The following SERPINA3 variants were observed in gnomAD, a reference collection of about 807,000 sequenced individuals.
SERPINA3 encodes the protein serpin family A member 3, also known as alpha-1-antichymotrypsin.
Under a neutral mutation model 26.8 loss-of-function variants are expected in SERPINA3, and 32 were observed. That is an observed-to-expected ratio of 1.20 (90% CI 0.90 to 1.61). The LOEUF (loss-of-function observed/expected upper bound fraction) is 1.61, where lower values mean the gene tolerates loss of function less well. SERPINA3 is among the 40% of genes most tolerant of loss of function. The pLI is 0.00. For synonymous variants in SERPINA3, 252 were observed against 206.4 expected, an observed-to-expected ratio of 1.22 and a Z score of -1.89; for missense variants, 632 against 517.9, an observed-to-expected ratio of 1.22 and a Z score of -2.14.
Position 94,622,435 on chromosome 14 carries a change from A to C in SERPINA3, c.1012A>C (p.Thr338Pro), listed in dbSNP as rs1287198755. The part of the protein sequence containing the change: ...LLQLGIEEAF[T>P]SKADLSGITG... ...CCAGCTGGGCATTGAGGAAGCCTTC[A>C]CCAGCAAGGCTGACCTGTCAGGGAT... is the stretch of plus-strand genomic sequence containing the variant. The change falls in exon 4 of 5, where the codon ACC (threonine) becomes CCC (proline). Residue 338 changes from threonine to proline, a missense_variant. Coordinates refer to ENST00000393078, the MANE Select transcript of SERPINA3 (RefSeq NM_001085.5). The C allele has an allele frequency of 1.9e-6, 3 of 1,614,124 alleles. No homozygotes were observed. The highest frequency in any genetic ancestry group is 2.5e-6 in the Non-Finnish European group (3 of 1,179,994).
In SERPINA3 at chr14:94,619,249, T is replaced by C. The variant is rs1234971971; in HGVS notation, c.698T>C (p.Leu233Ser). Residue 233 changes from leucine to serine, a missense_variant, in exon 3 of 5, where the codon TTG becomes TCG. Physicochemically the swap from Leu to Ser is moderately radical, Grantham distance 145 (BLOSUM62 -2). Transcript: ENST00000393078. ...GATACTCATCAGTCAAGGTTCTACTTGAGCAAGAAAAAGTGGGTAATGGTG... is the reference window on the plus strand; with the variant it reads ...GATACTCATCAGTCAAGGTTCTACTCGAGCAAGAAAAAGTGGGTAATGGTG... ...PQDTHQSRFY[L>S]SKKKWVMVPM... 2.5e-6 allele frequency: 4 copies of C among 1,613,942 alleles called. No homozygotes were observed.
intron 1 of SERPINA3, 79 bp from the exon 2 acceptor site, chr14:94,614,355 G>A (rs532812719): frequency 3.9e-5 from 56 of 1,445,724 alleles, no homozygotes; most frequent in South Asian, 2.1e-4. Context: ...GGACCAGGAC[G>A]CAGGCTGGGT....
intron 4 of SERPINA3, 68 bp from the exon 5 acceptor site, chr14:94,623,543 A>G: frequency 6.9e-7 from 1 of 1,451,710 alleles, no homozygotes. Context: ...CCTTAGTGGC[A>G]CACAGGCAGG....
At chr14:94,619,062 C>A (rs1385386115) in intron 2 of SERPINA3, 133 bp from the exon 3 acceptor site, 9 of 1,007,942 alleles carry the variant, frequency 8.9e-6, no homozygotes, top group Non-Finnish European at 1.4e-5. Context: ...TTTACTCTTG[C>A]CAAGCTACTT....
Position 94,614,819 on chromosome 14 carries a change from C to CA in SERPINA3, c.380dup (p.Asn127LysfsTer6). The CA allele has an allele frequency of 6.2e-7, 1 of 1,614,210 alleles. No individual in the cohort carries two copies. On this transcript the variant is annotated frameshift_variant, in exon 2 of 5. Coordinates refer to ENST00000393078, the MANE Select transcript of SERPINA3 (RefSeq NM_001085.5). LOFTEE classifies it high-confidence loss of function. ...GCTTCCAGCACCTCCTGCGCACCCTCAATCAGTCCAGCGATGAGCTGCAGC... is the reference window on the plus strand; with the variant it reads ...GCTTCCAGCACCTCCTGCGCACCCTCAAATCAGTCCAGCGATGAGCTGCAGC...
At chr14:94,621,445 G>A (rs1378677817) in intron 3 of SERPINA3, among the ~76,000 whole-genome samples, 2 of 152,004 alleles carry the variant, frequency 1.3e-5, no homozygotes, top group African/African-American at 4.8e-5. Flanking sequence ...AATAGAAATA[G>A]GACACCTTCC....
rs1262771985 is a variant in SERPINA3, at chr14:94,614,936, C to T, written c.495C>T (p.Ala165=). ...EDAKRLYGSE[A]FATDFQDSAA... is the part of the protein sequence containing the mutation. ...CCAAGAGGCTGTATGGCTCCGAGGC[C>T]TTTGCCACTGACTTTCAGGACTCAG... Residue 165 remains alanine (A), a synonymous_variant, in exon 2 of 5, where the codon GCC becomes GCT. Transcript: ENST00000393078. 5 of 1,613,416 alleles carry T rather than the reference C, an allele frequency of 3.1e-6. 1 individual carries two copies. Among genetic ancestry groups the T allele is most frequent in the East Asian group, 2.2e-5 (1 of 44,878 alleles).
intron 4 of SERPINA3, 58 bp downstream of exon 4, chr14:94,622,549 G>T (rs1248655454): frequency 6.3e-7 from 1 of 1,589,462 alleles, no homozygotes. Context: ...ATTGGTGAAG[G>T]CCAGATGGAC....
intron 4 of SERPINA3, 141 bp from the exon 5 acceptor site, chr14:94,623,470 G>A (rs1886280796): frequency 2.5e-6 from 2 of 785,574 alleles, no homozygotes; most frequent in Admixed American, 2.0e-5. Flanking sequence ...GGGGAGTTGG[G>A]AGGAGCAAAC....
intron 3 of SERPINA3, among the ~76,000 whole-genome samples, chr14:94,622,082 GGCAGGGCCAGGCTCGA>G (rs1886220607): frequency 6.6e-6 from 1 of 152,248 alleles, no homozygotes; most frequent in South Asian, 2.1e-4. Context: ...GCAGGGAAAG[GGCAGGGCCAGGCTCGA>G]GCAGGGCCAC....
chr14:94,612,512 G>A, intron 1 of SERPINA3, 65 bp downstream of exon 1: 1 of 1,026,298 alleles, frequency 9.7e-7, no homozygotes, highest in Non-Finnish European at 1.4e-6. Flanking sequence ...GTTTTAGGCA[G>A]CAGCCTGGAG....
Position 94,619,398 on chromosome 14 carries a change from A to G in SERPINA3, c.847A>G (p.Lys283Glu). The G allele has an allele frequency of 6.2e-7, 1 of 1,614,172 alleles. No individual in the cohort carries two copies. Among genetic ancestry groups the G allele is most frequent in the Non-Finnish European group, 8.5e-7 (1 of 1,180,024 alleles). The change falls in exon 3 of 5, where the codon AAG becomes GAG. Residue 283 changes from lysine (K) to glutamate (E), a missense_variant. Coordinates refer to ENST00000393078, the MANE Select transcript of SERPINA3 (RefSeq NM_001085.5). ...ACTCTTCATCCTCCCTGATCAAGACAAGATGGAGGAAGTGGAAGCCATGCT... is the reference window on the plus strand; with the variant it reads ...ACTCTTCATCCTCCCTGATCAAGACGAGATGGAGGAAGTGGAAGCCATGCT... ...SALFILPDQD[K>E]MEEVEAMLLP...
In SERPINA3 at chr14:94,614,418, G is replaced by A. The variant is rs1258597403; in HGVS notation, c.-8-16G>A. The stretch of plus-strand genomic sequence containing the variant: ...CCATCTGGCCCTCTGAGACTTAAAG[G>A]AGCTTTGCTTTTCAGAGTTGAGAAT... On this transcript the variant is annotated splice_polypyrimidine_tract_variant and intron_variant, in intron 1 of 4. Transcript: ENST00000393078. 1.2e-6 allele frequency: 2 copies of A among 1,610,866 alleles called. No individual in the cohort carries two copies. Among genetic ancestry groups the A allele is most frequent in the Admixed American group, 1.7e-5 (1 of 60,018 alleles).
In SERPINA3 at chr14:94,623,829, C is replaced by A. The variant is rs781521902; in HGVS notation, c.*15C>A. On this transcript the variant is annotated 3_prime_UTR_variant, in exon 5 of 5. Coordinates refer to ENST00000393078, the MANE Select transcript of SERPINA3 (RefSeq NM_001085.5). ...AGCAAGCCTAGAGCTTGCCATCAAG[C>A]AGTGGGGCTCTCAGTAAGGAACTTG... 6 of 1,611,066 alleles carry A rather than the reference C, an allele frequency of 3.7e-6. No individual in the cohort carries two copies. Among genetic ancestry groups the A allele is most frequent in the Non-Finnish European group, 5.1e-6 (6 of 1,177,548 alleles).
At chr14:94,617,098 G>A (rs902132808) in intron 2 of SERPINA3, among the ~76,000 whole-genome samples, 1 of 152,184 alleles carries the variant, frequency 6.6e-6, no homozygotes. Flanking sequence ...CCCCAAAGGA[G>A]CTCGGTGCCC....
At chr14:94,617,740 C>T (rs1002028377) in intron 2 of SERPINA3, 1 of 152,172 alleles carries the variant, frequency 6.6e-6, no homozygotes, top group Non-Finnish European at 1.5e-5. Flanking sequence ...CAAGCATCTC[C>T]TAAAACCAAG....
At position 94,622,360 on chromosome 14, in the gene SERPINA3, C is replaced by T. The variant is rs144438452; in HGVS notation, c.937C>T (p.Leu313=). The change falls in exon 4 of 5, where the codon CTG becomes TTG. Residue 313 remains leucine (L), a synonymous_variant. Transcript: ENST00000393078. ...LEFREIGELY[L]PKFSISRDYN... ...TTCTAGAGAGATAGGTGAGCTCTAC[C>T]TGCCAAAGTTTTCCATCTCGAGGGA... 61 of 1,613,922 alleles carry T rather than the reference C, an allele frequency of 3.8e-5. No individual in the cohort carries two copies. The highest frequency in any genetic ancestry group is 4.6e-5 in the Non-Finnish European group (54 of 1,180,022).
chr14:94,615,013 A>G lies in SERPINA3; in HGVS notation c.572A>G (p.Lys191Arg), dbSNP rs1305606047. 1 of 1,614,204 alleles carries G rather than the reference A, an allele frequency of 6.2e-7. No individual in the cohort carries two copies. The highest frequency in any genetic ancestry group is 8.5e-7 in the Non-Finnish European group (1 of 1,180,030). The change falls in exon 2 of 5, where the codon AAA becomes AGA. Residue 191 changes from lysine (K) to arginine (R), a missense_variant. Coordinates refer to ENST00000393078, the MANE Select transcript of SERPINA3 (RefSeq NM_001085.5). Reference sequence around the variant, plus strand: ...TACGTGAAGAATGGAACTAGGGGGAAAATCACAGATCTGATCAAGGACCTT... The same window carrying G: ...TACGTGAAGAATGGAACTAGGGGGAGAATCACAGATCTGATCAAGGACCTT... Reference protein sequence around the residue: ...NDYVKNGTRGKITDLIKDLDS... With the variant: ...NDYVKNGTRGRITDLIKDLDS...
intron 1 of SERPINA3, 195 bp from the exon 2 acceptor site, chr14:94,614,239 G>C: frequency 1.6e-6 from 1 of 609,050 alleles, no homozygotes; most frequent in Non-Finnish European, 2.9e-6. Context: ...CAACAATTAT[G>C]GTACCTACCT....
Sources: allele counts gnomAD v4.1 joint callset (sites outside exome capture counted in the v4.1 genomes callset), GRCh38; gene constraint gnomAD v4.1.1; transcripts MANE v1.5; gene names NCBI Gene and HGNC (gene_info 2026-07-23, HGNC 2026-07-21).